Variants in GRIA2 observed in about 807,000 individuals in gnomAD.
GRIA2 encodes the protein glutamate receptor 2.
In GRIA2, 14 loss-of-function variants were observed where a neutral mutation model predicts 97.3. The ratio of observed to expected loss-of-function variants is 0.14; its 90% CI spans 0.10 to 0.23. GRIA2 has a LOEUF of 0.23. GRIA2 is among the 10% of genes least tolerant of loss of function. The pLI, the probability that GRIA2 is intolerant of heterozygous loss-of-function variation, is 1.00. For missense variants in GRIA2, 558 were observed against 1,069.8 expected (o/e 0.52, Z 6.67); for synonymous variants, 412 against 387.8 (o/e 1.06, Z -0.73).
chr4:157,362,776 C>A, intron 14 of GRIA2, 23 bp from the exon 15 acceptor site: 1 of 1,596,704 alleles, frequency 6.3e-7, no homozygotes, highest in Non-Finnish European at 8.5e-7. Context: ...TCCTAATAAC[C>A]TCTTCTCATA....
At chr4:157,223,689 G>C (rs1046949631) in intron 2 of GRIA2, among the ~76,000 whole-genome samples, 8 of 152,148 alleles carry the variant, frequency 5.3e-5, no homozygotes. Flanking sequence ...CCTAAGGAAC[G>C]GCTGTGGGTA....
intron 2 of GRIA2, among the ~76,000 whole-genome samples, chr4:157,260,855 C>G (rs1162839417): frequency 6.6e-6 from 1 of 151,774 alleles, no homozygotes; most frequent in African/African-American, 2.4e-5. Flanking sequence ...CTTCTTCTCC[C>G]TTTCTCTCTT....
At chr4:157,329,235 AG>A (rs1340427531) in intron 6 of GRIA2, among the ~76,000 whole-genome samples, 13 of 151,932 alleles carry the variant, frequency 8.6e-5, no homozygotes, top group Non-Finnish European at 1.5e-5. Flanking sequence ...TATCTTTCCT[AG>A]AAATCATAAT....
intron 2 of GRIA2, among the ~76,000 whole-genome samples, chr4:157,226,957 A>G (rs1029104271): frequency 1.3e-5 from 2 of 152,154 alleles, no homozygotes; most frequent in African/African-American, 4.8e-5. Flanking sequence ...TTAATCTGTT[A>G]TTGAAGTATT....
intron 4 of GRIA2, among the ~76,000 whole-genome samples, chr4:157,316,144 G>C (rs970697003): frequency 6.6e-6 from 1 of 152,090 alleles, no homozygotes; most frequent in African/African-American, 2.4e-5. Flanking sequence ...GATTCAGAGA[G>C]TAGAATGTAC....
Position 157,333,344 on chromosome 4 carries a change from G to A in GRIA2, c.1146G>A (p.Gly382=), listed in dbSNP as rs755543391. ...ACATCATGGAGCTCAAAACTAATGG[G>A]CCCCGGAAGGTAAATCCTTAGTGAT... ...TINIMELKTN[G]PRKIGYWSEV... The change falls in exon 8 of 16, where the codon GGG becomes GGA. Residue 382 remains glycine (G), a synonymous_variant. Coordinates refer to ENST00000264426, the MANE Select transcript of GRIA2 (RefSeq NM_001083619.3). The A allele has an allele frequency of 1.3e-6, 2 of 1,561,280 alleles. No individual in the cohort carries two copies. The highest frequency in any genetic ancestry group is 1.8e-6 in the Non-Finnish European group (2 of 1,139,964).
chr4:157,326,936 G>A (rs1306485051), intron 6 of GRIA2, among the ~76,000 whole-genome samples: 1 of 152,104 alleles, frequency 6.6e-6, no homozygotes, highest in Non-Finnish European at 1.5e-5. Context: ...CGCTGGTGGA[G>A]GCAGGGAAGC....
intron 2 of GRIA2, among the ~76,000 whole-genome samples, chr4:157,241,048 T>C (rs1364699603): frequency 1.3e-5 from 2 of 152,208 alleles, no homozygotes; most frequent in Non-Finnish European, 2.9e-5. Context: ...CTCATCATTT[T>C]TTATGGCTGC....
intron 2 of GRIA2, among the ~76,000 whole-genome samples, chr4:157,265,899 G>C (rs1731748022): frequency 1.3e-5 from 2 of 152,088 alleles, no homozygotes. Context: ...GGAGAAAAGA[G>C]TGAAATCCCA....
intron 12 of GRIA2, among the ~76,000 whole-genome samples, chr4:157,352,531 C>T (rs2126975032): frequency 6.6e-6 from 1 of 151,886 alleles, no homozygotes; most frequent in Non-Finnish European, 1.5e-5. Flanking sequence ...GCCTGGCCAA[C>T]ATGATGAAAC....
chr4:157,342,096 T>C, intron 12 of GRIA2: 1 of 971,642 alleles, frequency 1.0e-6, no homozygotes, highest in Non-Finnish European at 1.2e-6. Flanking sequence ...CATAATTTTC[T>C]TTCTTTCTAC....
intron 2 of GRIA2, among the ~76,000 whole-genome samples, chr4:157,282,187 A>G (rs1376371603): frequency 6.6e-6 from 1 of 152,012 alleles, no homozygotes; most frequent in African/African-American, 2.4e-5. Context: ...TCCTCTGTCC[A>G]TTGTGCGGTC....
At chr4:157,267,767 GT>G (rs930390214) in intron 2 of GRIA2, among the ~76,000 whole-genome samples, 27 of 152,142 alleles carry the variant, frequency 1.8e-4, no homozygotes, top group African/African-American at 6.5e-4. Context: ...ATTAGGAGCA[GT>G]TTTTTTGAAT....
Position 157,359,900 on chromosome 4 carries a change from C to A in GRIA2, c.2048C>A (p.Ser683Tyr). The change falls in exon 13 of 16, where the codon TCT (serine) becomes TAT (tyrosine). Residue 683 changes from serine to tyrosine, a missense_variant. Around this residue, in one of 8 missense-constraint regions of GRIA2, gnomAD observed 125 missense variants for 310.2 expected, o/e 0.40. Coordinates refer to ENST00000264426, the MANE Select transcript of GRIA2 (RefSeq NM_001083619.3). ...GGCCCCTTACTTTTCCTGCAGAGAT[C>A]TAAAATTGCAGTGTTTGATAAAATG... is the stretch of plus-strand genomic sequence containing the variant. ...SGSTKEFFRRSKIAVFDKMWT... is the reference protein window; with the variant it reads ...SGSTKEFFRRYKIAVFDKMWT... The A allele has an allele frequency of 1.2e-6, 2 of 1,613,410 alleles. No homozygotes were observed. The highest frequency in any genetic ancestry group is 2.2e-5 in the South Asian group (2 of 91,036).
At position 157,220,812 on chromosome 4, in the gene GRIA2, C is replaced by T; in HGVS notation, c.-231C>T. On this transcript the variant is annotated 5_prime_UTR_variant, in exon 1 of 16. Transcript: ENST00000264426. Reference sequence around the variant, plus strand: ...CAGCTCCGCTGAAAACTGCATTCAGCCAGTCCTCCGGACTTCTGGAGCGGG... The same window carrying T: ...CAGCTCCGCTGAAAACTGCATTCAGTCAGTCCTCCGGACTTCTGGAGCGGG... The T allele has an allele frequency of 1.8e-6, 1 of 557,072 alleles. No homozygotes were observed. Among genetic ancestry groups the T allele is most frequent in the Non-Finnish European group, 3.2e-6 (1 of 312,514 alleles). The allele number at this position is 557,072 out of a possible 1,614,324, so 34.5% of individuals were successfully genotyped here. A position where few individuals can be genotyped will look rare whatever the true frequency, so the allele number is the denominator to read the frequency against.
chr4:157,342,520 T>A lies in GRIA2; in HGVS notation c.2043+1058T>A, dbSNP rs1735592281. 15 of 863,098 alleles carry A rather than the reference T, an allele frequency of 1.7e-5. No individual in the cohort carries two copies. The South Asian group carries it at 6.9e-4, about 40-fold the overall frequency. The allele number at this position is 863,098 out of a possible 1,614,324, so 53.5% of individuals were successfully genotyped here. A position where few individuals can be genotyped will look rare whatever the true frequency, so the allele number is the denominator to read the frequency against. ...AAATGTGGACCATCAGCAGCTTTTT[T>A]TACTTTAATGCAGATTTTAGAATGA... On this transcript the variant is annotated intron_variant, in intron 12 of 15. Transcript: ENST00000264426.
chr4:157,287,194 T>C (rs927955745), intron 2 of GRIA2, among the ~76,000 whole-genome samples: 2 of 151,736 alleles, frequency 1.3e-5, no homozygotes, highest in African/African-American at 4.8e-5. Context: ...ATTGGATTTT[T>C]ATGTTTAATA....
intron 2 of GRIA2, among the ~76,000 whole-genome samples, chr4:157,267,113 G>A (rs767472148): frequency 9.2e-5 from 14 of 151,770 alleles, no homozygotes; most frequent in Non-Finnish European, 1.6e-4. Flanking sequence ...GGAAAAAAAG[G>A]ATGCTAGCTT....
intron 6 of GRIA2, among the ~76,000 whole-genome samples, chr4:157,331,159 G>C (rs549038075): frequency 2.0e-5 from 3 of 151,962 alleles, no homozygotes; most frequent in Admixed American, 2.0e-4. Context: ...CTTAAGACTT[G>C]ATTAGTTTTG....
Sources: allele counts gnomAD v4.1 joint callset (sites outside exome capture counted in the v4.1 genomes callset), GRCh38; gene constraint gnomAD v4.1.1; regional missense constraint gnomAD v4.1.1; transcripts MANE v1.5; gene names NCBI Gene and HGNC (gene_info 2026-07-23, HGNC 2026-07-21).